Variants in LCA5L observed in about 807,000 individuals in gnomAD.
LCA5L encodes the protein lebercilin LCA5 like.
In LCA5L, 35 loss-of-function variants were observed where a neutral mutation model predicts 45.4. The ratio of observed to expected loss-of-function variants is 0.77; its 90% CI spans 0.59 to 1.02. LCA5L has a LOEUF of 1.02. Among genes scored for constraint, LCA5L ranks in the 50% least tolerant of loss-of-function variants. LCA5L has a pLI of 0.00. For missense variants in LCA5L, 668 were observed against 761.6 expected (o/e 0.88, Z 1.45); for synonymous variants, 233 against 264.7 (o/e 0.88, Z 1.16).
Position 39,444,158 on chromosome 21 carries a change from A to C in LCA5L, c.-269T>G, listed in dbSNP as rs898475662. 27 of 152,096 alleles carry C rather than the reference A, an allele frequency of 1.8e-4. No homozygotes were observed. Among genetic ancestry groups the C allele is most frequent in the African/African-American group, 5.8e-4 (24 of 41,386 alleles). 9.4% of individuals were successfully genotyped at this position (152,096 alleles called of 1,614,324 possible). ...ACTATTCAAAATGATCAGCATACGG[A>C]TGATCATTTGTCTGCATCTCAGTTT... On this transcript the variant is annotated 5_prime_UTR_variant, in exon 2 of 11. Coordinates refer to ENST00000288350, the MANE Select transcript of LCA5L (RefSeq NM_152505.4).
chr21:39,435,202 C>T (rs1180295015), intron 3 of LCA5L, among the ~76,000 whole-genome samples: 2 of 152,084 alleles, frequency 1.3e-5, no homozygotes, highest in Non-Finnish European at 2.9e-5. Flanking sequence ...TACGTTTTCC[C>T]GGAATGCACT....
At chr21:39,445,164 G>A (rs1372156713) in intron 1 of LCA5L, among the ~76,000 whole-genome samples, 1 of 151,972 alleles carries the variant, frequency 6.6e-6, no homozygotes, top group Non-Finnish European at 1.5e-5. Flanking sequence ...AACACGCTGA[G>A]GGGAGGGTGT....
At chr21:39,422,823 G>A in intron 6 of LCA5L, 153 bp downstream of exon 6, 1 of 706,048 alleles carries the variant, frequency 1.4e-6, no homozygotes, top group Non-Finnish European at 2.4e-6. Flanking sequence ...CCCTTTCTGT[G>A]CCCTCTATTA....
intron 7 of LCA5L, among the ~76,000 whole-genome samples, chr21:39,417,205 T>G (rs7277963): frequency 1.7e-3 from 258 of 152,052 alleles, no homozygotes; most frequent in African/African-American, 6.1e-3. Flanking sequence ...GCTAATTTTT[T>G]TATTTTTGTA....
At chr21:39,443,276 G>T (rs1302726184) in intron 2 of LCA5L, among the ~76,000 whole-genome samples, 1 of 152,192 alleles carries the variant, frequency 6.6e-6, no homozygotes, top group Admixed American at 6.5e-5. Flanking sequence ...GGGGAACGTG[G>T]GGTCAAAGAA....
intron 2 of LCA5L, chr21:39,436,167 C>A (rs1011150985): frequency 1.2e-4 from 19 of 152,148 alleles, no homozygotes; most frequent in South Asian, 4.1e-4. Context: ...GTGTTTCTTG[C>A]CTGTCAACAA....
rs77091374 is a variant in LCA5L, at chr21:39,436,955, T to A, written c.-245-1382A>T. Among the ~76,000 whole-genome samples the A allele has an allele frequency of 2.2e-3, 333 of 152,316 alleles. 4 individuals carry two copies. Among genetic ancestry groups the A allele is most frequent in the African/African-American group, 7.6e-3 (315 of 41,562 alleles). On this transcript the variant is annotated intron_variant, in intron 2 of 10. Transcript: ENST00000288350. ...TAACACCCATTTTACTTCCTCAGCCTGTTTGTAGCCTGGCTTCCCCACTAA... is the reference window on the plus strand; with the variant it reads ...TAACACCCATTTTACTTCCTCAGCCAGTTTGTAGCCTGGCTTCCCCACTAA...
Position 39,409,899 on chromosome 21 carries a change from A to G in LCA5L, c.1282+80T>C, listed in dbSNP as rs1190190791. The G allele has an allele frequency of 1.6e-5, 13 of 819,240 alleles. No individual in the cohort carries two copies. The highest frequency in any genetic ancestry group is 2.5e-5 in the Non-Finnish European group (13 of 515,216). 50.7% of individuals were successfully genotyped at this position (819,240 alleles called of 1,614,324 possible). Reference sequence around the variant, plus strand: ...GCGAGCTGCCATGCCCAGCTGTTTTATGTGTGCTTTATATACACATATAGT... The same window carrying G: ...GCGAGCTGCCATGCCCAGCTGTTTTGTGTGTGCTTTATATACACATATAGT... On this transcript the variant is annotated intron_variant, in intron 10 of 10. Coordinates refer to ENST00000288350, the MANE Select transcript of LCA5L (RefSeq NM_152505.4). This position sits in a 1 kb window ranked among gnomAD's most constrained non-coding sequence, Gnocchi z 4.2.
intron 2 of LCA5L, among the ~76,000 whole-genome samples, chr21:39,439,412 T>C (rs1248448313): frequency 6.6e-6 from 1 of 152,228 alleles, no homozygotes; most frequent in Admixed American, 6.5e-5. Flanking sequence ...TGGTAATTTG[T>C]TATAGCAGCA....
intron 2 of LCA5L, among the ~76,000 whole-genome samples, chr21:39,439,223 C>T (rs563295314): frequency 5.9e-5 from 9 of 152,294 alleles, no homozygotes; most frequent in Admixed American, 2.0e-4. Context: ...GAAGGGGTCA[C>T]ATGCCACAGA....
At chr21:39,433,155 G>A (rs1270796242) in intron 3 of LCA5L, among the ~76,000 whole-genome samples, 9 of 152,136 alleles carry the variant, frequency 5.9e-5, no homozygotes, top group Non-Finnish European at 5.9e-5. Context: ...GGTGGCTCAT[G>A]CCTGTAATCC....
At chr21:39,437,025 C>G (rs1379472996) in intron 2 of LCA5L, among the ~76,000 whole-genome samples, 1 of 152,176 alleles carries the variant, frequency 6.6e-6, no homozygotes, top group Non-Finnish European at 1.5e-5. Flanking sequence ...TTGTCTATTG[C>G]TATATCCTCA....
Position 39,411,816 on chromosome 21 carries a change from C to A in LCA5L, c.976-14G>T, listed in dbSNP as rs767200406. ...ACGATCCTTTTCCTAAAAAGAACCA[C>A]AAAACCAATTTTTCTATAAATGCTT... On this transcript the variant is annotated splice_polypyrimidine_tract_variant and intron_variant, in intron 7 of 10. Coordinates refer to ENST00000288350, the MANE Select transcript of LCA5L (RefSeq NM_152505.4). The A allele has an allele frequency of 3.4e-6, 5 of 1,490,132 alleles. No individual in the cohort carries two copies. The Admixed American group carries it at 5.9e-5, about 17-fold the overall frequency. The allele number at this position is 1,490,132 out of a possible 1,614,324, so 92.3% of individuals were successfully genotyped here.
chr21:39,426,813 C>T (rs1468116254), intron 5 of LCA5L, among the ~76,000 whole-genome samples: 1 of 152,186 alleles, frequency 6.6e-6, no homozygotes, highest in Admixed American at 6.5e-5. Context: ...GAGAGAAGTA[C>T]TGGACTTTTC....
intron 7 of LCA5L, among the ~76,000 whole-genome samples, chr21:39,412,384 C>A (rs2837012): frequency 0.72 from 110,260 of 152,084 alleles, 40,147 homozygotes; most frequent in Admixed American, 0.77. Flanking sequence ...TGAGTCTTGG[C>A]AAAACAGACA....
chr21:39,434,804 C>T (rs1212136147), intron 3 of LCA5L, among the ~76,000 whole-genome samples: 1 of 152,218 alleles, frequency 6.6e-6, no homozygotes, highest in African/African-American at 2.4e-5. Context: ...AGGCATGACC[C>T]ACCATGTCCG....
chr21:39,423,609 C>A (rs1166495955), intron 5 of LCA5L, 119 bp from the exon 6 acceptor site: 2 of 791,660 alleles, frequency 2.5e-6, no homozygotes, highest in Non-Finnish European at 3.8e-6. Flanking sequence ...TACACACAAG[C>A]GTAAGTGTAA....
At chr21:39,420,599 T>C (rs1292544013) in intron 7 of LCA5L, 107 bp downstream of exon 7, 2 of 873,746 alleles carry the variant, frequency 2.3e-6, no homozygotes, top group Admixed American at 2.4e-5. Context: ...AGGAGCCTTA[T>C]ATATGTATGT....
chr21:39,406,427 T>C lies in LCA5L; in HGVS notation c.1468A>G (p.Arg490Gly). 6.2e-7 allele frequency: 1 copy of C among 1,614,144 alleles called. No homozygotes were observed. The highest frequency in any genetic ancestry group is 8.5e-7 in the Non-Finnish European group (1 of 1,180,006). ...RESNQEDVLV[R>G]EKFKRSMQRN... The stretch of plus-strand genomic sequence containing the variant: ...TGCATGCTTCTTTTAAACTTTTCTC[T>C]TACTAGAACATCTTCTTGATTGCTT... Residue 490 changes from arginine to glycine, a missense_variant, in exon 11 of 11, where the codon AGA (arginine) becomes GGA (glycine). By Grantham distance (125) the Arg-to-Gly change is moderately radical. Coordinates refer to ENST00000288350, the MANE Select transcript of LCA5L (RefSeq NM_152505.4).
Sources: allele counts gnomAD v4.1 joint callset (sites outside exome capture counted in the v4.1 genomes callset), GRCh38; gene constraint gnomAD v4.1.1; non-coding constraint Gnocchi (gnomAD v3.1); transcripts MANE v1.5; gene names NCBI Gene and HGNC (gene_info 2026-07-23, HGNC 2026-07-21).